Variants in CSMD1 observed in about 807,000 individuals in gnomAD.
CSMD1 encodes the protein CUB and Sushi multiple domains 1, also known as CUB and sushi domain-containing protein 1.
CSMD1 carries 213 observed loss-of-function variants against 417.5 expected under a neutral mutation model. The observed-to-expected ratio is 0.51, with a 90% CI of 0.46 to 0.57. CSMD1 has a LOEUF of 0.57. Among genes scored for constraint, CSMD1 ranks in the 20% least tolerant of loss-of-function variants. The pLI is 0.00. For synonymous variants in CSMD1, 2,862 were observed against 1,736.8 expected (o/e 1.65, Z -16.11); for missense variants, 6,923 against 4,529.7 (o/e 1.53, Z -15.17).
At chr8:3,922,311 C>T (rs1030365910) in intron 5 of CSMD1, among the ~76,000 whole-genome samples, 1 of 151,766 alleles carries the variant, frequency 6.6e-6, no homozygotes, top group Non-Finnish European at 1.5e-5. Context: ...ATAGTTGGAT[C>T]TTATTTATGT....
At chr8:4,829,670 G>A (rs913612466) in intron 1 of CSMD1, among the ~76,000 whole-genome samples, 1 of 150,638 alleles carries the variant, frequency 6.6e-6, no homozygotes, top group Admixed American at 6.6e-5. Context: ...AATCCAGGAT[G>A]TGGGAGCTTC....
intron 5 of CSMD1, among the ~76,000 whole-genome samples, chr8:3,955,866 G>A (rs114979137): frequency 0.018 from 2,761 of 152,266 alleles, 90 homozygotes; most frequent in African/African-American, 0.063. Flanking sequence ...GTTCCCCCAG[G>A]CTGGGTGCAA....
chr8:4,209,130 G>T (rs563138021), intron 3 of CSMD1, among the ~76,000 whole-genome samples: 10 of 152,230 alleles, frequency 6.6e-5, no homozygotes, highest in African/African-American at 2.2e-4. Context: ...ACATCTTCAT[G>T]ATTTCTATCT....
intron 5 of CSMD1, among the ~76,000 whole-genome samples, chr8:3,872,210 C>G (rs1029520661): frequency 1.1e-4 from 16 of 152,092 alleles, no homozygotes; most frequent in African/African-American, 3.1e-4. Flanking sequence ...AGATCGTATA[C>G]TTCATTCTGG....
intron 27 of CSMD1, among the ~76,000 whole-genome samples, chr8:3,227,514 T>C (rs963997809): frequency 2.6e-5 from 4 of 152,148 alleles, no homozygotes; most frequent in Non-Finnish European, 5.9e-5. Context: ...ATTGAAGCTA[T>C]CTTCAGAATA....
chr8:2,981,604 G>C (rs1017267113), intron 54 of CSMD1, among the ~76,000 whole-genome samples: 19 of 152,128 alleles, frequency 1.2e-4, no homozygotes, highest in Admixed American at 9.8e-4. Flanking sequence ...GGAGGAATGA[G>C]AACACTGATG....
chr8:4,902,243 A>G (rs1804925016), intron 1 of CSMD1, among the ~76,000 whole-genome samples: 1 of 151,670 alleles, frequency 6.6e-6, no homozygotes, highest in Non-Finnish European at 1.5e-5. Flanking sequence ...GACTCCATCC[A>G]TTAAAAAGAC....
chr8:4,901,706 A>G (rs1001318644), intron 1 of CSMD1, among the ~76,000 whole-genome samples: 4 of 152,202 alleles, frequency 2.6e-5, no homozygotes, highest in African/African-American at 9.6e-5. Context: ...CTAGCATATT[A>G]GCATAGAGCA....
intron 1 of CSMD1, among the ~76,000 whole-genome samples, chr8:4,987,887 T>C (rs932265512): frequency 6.6e-6 from 1 of 152,220 alleles, no homozygotes; most frequent in African/African-American, 2.4e-5. Context: ...CCTATTGGAC[T>C]CTTGGACTTA....
intron 3 of CSMD1, among the ~76,000 whole-genome samples, chr8:4,039,307 C>G (rs1254005105): frequency 6.6e-6 from 1 of 152,096 alleles, no homozygotes; most frequent in East Asian, 1.9e-4. Context: ...TCTATGTAAA[C>G]CAACGATATC....
Position 4,545,553 on chromosome 8 carries a change from C to G in CSMD1, c.302+91789G>C, listed in dbSNP as rs368195251. ...AATCTACATATATAAAAATGTAACA[C>G]AAAAATGAAAGGTTCTTTGGGTCAC... On this transcript the variant is annotated intron_variant, in intron 2 of 69. Coordinates refer to ENST00000635120, the MANE Select transcript of CSMD1 (RefSeq NM_033225.6). 1.8e-3 allele frequency among the ~76,000 whole-genome samples: 268 copies of G among 152,192 alleles called. 1 individual carries two copies. Among genetic ancestry groups the G allele is most frequent in the African/African-American group, 6.4e-3 (264 of 41,522 alleles).
At chr8:4,202,642 G>T (rs1024575432) in intron 3 of CSMD1, among the ~76,000 whole-genome samples, 1 of 152,082 alleles carries the variant, frequency 6.6e-6, no homozygotes, top group Non-Finnish European at 1.5e-5. Flanking sequence ...ATTTCCTCTC[G>T]AATACAACCA....
intron 1 of CSMD1, among the ~76,000 whole-genome samples, chr8:4,841,500 A>C (rs1187814074): frequency 1.3e-5 from 2 of 152,236 alleles, no homozygotes; most frequent in East Asian, 3.8e-4. Context: ...ACAAGTCACT[A>C]AGTTTTCTTA....
chr8:4,022,727 T>C (rs1417371014), intron 4 of CSMD1, among the ~76,000 whole-genome samples: 1 of 152,250 alleles, frequency 6.6e-6, no homozygotes, highest in East Asian at 1.9e-4. Context: ...AAGTGACAAC[T>C]CACTGGATGA....
At chr8:4,451,618 G>A (rs748939728) in intron 2 of CSMD1, among the ~76,000 whole-genome samples, 1 of 152,154 alleles carries the variant, frequency 6.6e-6, no homozygotes, top group Non-Finnish European at 1.5e-5. Flanking sequence ...TTATATTCAA[G>A]AAGGAATCTA....
In CSMD1 at chr8:3,795,873, G is replaced by C. The variant is rs551269304; in HGVS notation, c.819-41831C>G. ...TATATATCTATCATGTACAGATATA[G>C]ATATATATCTATCATGTACAGATAT... On this transcript the variant is annotated intron_variant, in intron 5 of 69. Transcript: ENST00000635120. Among the ~76,000 whole-genome samples the C allele has an allele frequency of 1.0e-4, 5 of 50,156 alleles. 1 individual carries two copies. Among genetic ancestry groups the C allele is most frequent in the Non-Finnish European group, 2.1e-4 (5 of 24,356 alleles). 32.9% of individuals were successfully genotyped at this position (50,156 alleles called of 152,430 possible).
At chr8:4,150,244 C>G (rs1796497734) in intron 3 of CSMD1, among the ~76,000 whole-genome samples, 1 of 152,284 alleles carries the variant, frequency 6.6e-6, no homozygotes, top group African/African-American at 2.4e-5. Context: ...CCATCATGCA[C>G]CTCCCTCCAG....
chr8:4,423,136 C>G (rs1797343684), intron 2 of CSMD1, among the ~76,000 whole-genome samples: 1 of 151,990 alleles, frequency 6.6e-6, no homozygotes, highest in African/African-American at 2.4e-5. Context: ...AGACTGGAAA[C>G]AAGTCAAGAA....
chr8:4,451,586 A>G (rs139521402), intron 2 of CSMD1, among the ~76,000 whole-genome samples: 7 of 152,198 alleles, frequency 4.6e-5, no homozygotes, highest in Non-Finnish European at 1.0e-4. Context: ...AGAAAGCCTT[A>G]AAAAGAAGAC....
Sources: allele counts gnomAD v4.1 joint callset (sites outside exome capture counted in the v4.1 genomes callset), GRCh38; gene constraint gnomAD v4.1.1; transcripts MANE v1.5; gene names NCBI Gene and HGNC (gene_info 2026-07-23, HGNC 2026-07-21).